Variants in VDAC1 observed in about 807,000 individuals in gnomAD.
VDAC1 encodes the protein non-selective voltage-gated ion channel VDAC1.
Under a neutral mutation model 34.7 loss-of-function variants are expected in VDAC1, and 10 were observed. The observed-to-expected ratio is 0.29, with a 90% CI of 0.18 to 0.49. The LOEUF (loss-of-function observed/expected upper bound fraction) is 0.49, where lower values mean the gene tolerates loss of function less well. VDAC1 is among the 20% of genes least tolerant of loss of function. The pLI is 0.99. For missense variants in VDAC1, 230 were observed against 347.9 expected (o/e 0.66, Z 2.69); for synonymous variants, 130 against 136.0 (o/e 0.96, Z 0.30).
At chr5:134,054,796 C>T in the VDAC1 span, among the ~76,000 whole-genome samples, 2 of 152,148 alleles carry the variant, frequency 1.3e-5, no homozygotes, top group Admixed American at 6.6e-5. Context: ...GGAAGTGCCT[C>T]AGTTACTGGC....
At chr5:134,097,607 A>G in the VDAC1 span, among the ~76,000 whole-genome samples, 4 of 152,184 alleles carry the variant, frequency 2.6e-5, no homozygotes, top group Admixed American at 6.5e-5. Flanking sequence ...TGTAGAGGTC[A>G]TTTCAATGGC....
At chr5:133,974,459 C>A (rs567989999) in intron 7 of VDAC1, among the ~76,000 whole-genome samples, 1 of 151,994 alleles carries the variant, frequency 6.6e-6, no homozygotes, top group African/African-American at 2.4e-5. Context: ...AAAAGTGAGG[C>A]GGGGCGGGGG....
At chr5:134,066,572 T>C in the VDAC1 span, among the ~76,000 whole-genome samples, 1 of 152,238 alleles carries the variant, frequency 6.6e-6, no homozygotes, top group African/African-American at 2.4e-5. Context: ...TAAAAGTGGC[T>C]TAAACAAGAT....
chr5:134,094,695 C>T, the VDAC1 span, among the ~76,000 whole-genome samples: 3 of 68,504 alleles, frequency 4.4e-5, no homozygotes, highest in Non-Finnish European at 7.9e-5. Flanking sequence ...GACTCCGTCT[C>T]AAAAAAAAAA....
the VDAC1 span, among the ~76,000 whole-genome samples, chr5:134,038,143 A>G: frequency 8.7e-3 from 1,329 of 152,326 alleles, 19 homozygotes; most frequent in African/African-American, 0.03. Flanking sequence ...CATAAACAAT[A>G]CAATTCAAGC....
At chr5:134,108,265 A>C in the VDAC1 span, among the ~76,000 whole-genome samples, 1 of 152,222 alleles carries the variant, frequency 6.6e-6, no homozygotes. Flanking sequence ...CTGAAGAAAC[A>C]CATTGGACCA....
At chr5:134,040,039 G>A in the VDAC1 span, among the ~76,000 whole-genome samples, 1 of 152,212 alleles carries the variant, frequency 6.6e-6, no homozygotes, top group Non-Finnish European at 1.5e-5. Flanking sequence ...GCCCTTCCAG[G>A]GACAAGGACG....
the VDAC1 span, among the ~76,000 whole-genome samples, chr5:134,033,436 A>G: frequency 7.9e-5 from 12 of 151,616 alleles, no homozygotes; most frequent in African/African-American, 2.2e-4. Flanking sequence ...GATTACAGGC[A>G]TGAGCCACCG....
At chr5:134,068,491 A>T in the VDAC1 span, among the ~76,000 whole-genome samples, 2 of 152,070 alleles carry the variant, frequency 1.3e-5, no homozygotes, top group African/African-American at 4.8e-5. Context: ...ATTTGGGGAA[A>T]ACAATTATTT....
the VDAC1 span, among the ~76,000 whole-genome samples, chr5:134,038,523 A>G: frequency 1.3e-5 from 2 of 152,152 alleles, no homozygotes; most frequent in Non-Finnish European, 2.9e-5. Flanking sequence ...CCCTCCCTCA[A>G]TCCCACCCCC....
chr5:134,102,264 C>A, the VDAC1 span, among the ~76,000 whole-genome samples: 2 of 152,212 alleles, frequency 1.3e-5, no homozygotes, highest in East Asian at 3.9e-4. Flanking sequence ...CAGGGTCATC[C>A]GGGGCCAGTG....
At chr5:134,102,339 C>A in the VDAC1 span, among the ~76,000 whole-genome samples, 9 of 151,814 alleles carry the variant, frequency 5.9e-5, no homozygotes, top group East Asian at 1.7e-3. Context: ...CCTCTACCCC[C>A]CCCACCCCAA....
chr5:134,109,621 T>C, the VDAC1 span, among the ~76,000 whole-genome samples: 1 of 151,958 alleles, frequency 6.6e-6, no homozygotes, highest in African/African-American at 2.4e-5. Flanking sequence ...AATACAAAAA[T>C]TAGCCGAGCG....
the VDAC1 span, among the ~76,000 whole-genome samples, chr5:134,018,313 G>A: frequency 2.7e-3 from 418 of 152,306 alleles, 1 homozygote; most frequent in African/African-American, 8.7e-3. Context: ...AACTAACAGA[G>A]CATGAACTCA....
the VDAC1 span, among the ~76,000 whole-genome samples, chr5:134,049,155 T>C: frequency 6.6e-6 from 1 of 152,246 alleles, no homozygotes; most frequent in Admixed American, 6.5e-5. Context: ...CAGGTCTAGC[T>C]GATGTCAAGA....
At chr5:134,046,453 G>A in the VDAC1 span, among the ~76,000 whole-genome samples, 3 of 152,164 alleles carry the variant, frequency 2.0e-5, no homozygotes, top group Non-Finnish European at 4.4e-5. Flanking sequence ...TTACAGGCAT[G>A]AGCCACCATG....
the VDAC1 span, among the ~76,000 whole-genome samples, chr5:134,040,189 G>T: frequency 1.3e-5 from 2 of 152,230 alleles, no homozygotes; most frequent in Admixed American, 6.5e-5. Context: ...CCAACACTTT[G>T]GGAGGCCAAG....
chr5:134,039,887 C>T, the VDAC1 span, among the ~76,000 whole-genome samples: 1 of 152,152 alleles, frequency 6.6e-6, no homozygotes, highest in Admixed American at 6.5e-5. Flanking sequence ...CATGTCTGCC[C>T]ACAGCCAAGT....
At chr5:134,098,791 T>A in the VDAC1 span, among the ~76,000 whole-genome samples, 1 of 152,186 alleles carries the variant, frequency 6.6e-6, no homozygotes, top group Non-Finnish European at 1.5e-5. Flanking sequence ...TGAGGGGCCC[T>A]CCCAGAGGGT....
Sources: gnomAD v4.1 joint callset for allele counts (sites outside exome capture counted in the v4.1 genomes callset) on GRCh38, gnomAD v4.1.1 for gene constraint, MANE v1.5 for transcripts, NCBI Gene and HGNC (gene_info 2026-07-23, HGNC 2026-07-21) for gene names.